The following MAPK4 variants were observed in gnomAD, a reference collection of about 807,000 sequenced individuals.
The protein encoded by MAPK4 is mitogen-activated protein kinase 4.
In MAPK4, 22 loss-of-function variants were observed where a neutral mutation model predicts 47.7. That is an observed-to-expected ratio of 0.46 (90% CI 0.33 to 0.66). The LOEUF (loss-of-function observed/expected upper bound fraction) is 0.66, where lower values mean the gene tolerates loss of function less well. MAPK4 is among the 30% of genes least tolerant of loss of function. The pLI, the probability that MAPK4 is intolerant of heterozygous loss-of-function variation, is 0.02. For synonymous variants in MAPK4, 390 were observed against 365.7 expected, an observed-to-expected ratio of 1.07 and a Z score of -0.76; for missense variants, 736 against 831.7, an observed-to-expected ratio of 0.88 and a Z score of 1.42.
chr18:50,570,343 G>A (rs564126580), intron 1 of MAPK4, among the ~76,000 whole-genome samples: 4 of 152,344 alleles, frequency 2.6e-5, no homozygotes, highest in African/African-American at 7.2e-5. Context: ...TGATGTGGCT[G>A]AGAAGGCAGT....
In MAPK4 at chr18:50,729,680, C is replaced by A; in HGVS notation, c.1590C>A (p.Asp530Glu). ...ASPPGRPAPV[D>E]GGASPQFDLD... The stretch of plus-strand genomic sequence containing the variant: ...CCCCCGGCCGCCCGGCCCCGGTGGA[C>A]GGCGGCGCCAGCCCCCAGTTCGACC... Residue 530 changes from aspartate to glutamate, a missense_variant, in exon 6 of 6, where the codon GAC (aspartate) becomes GAA (glutamate). This residue lies in a region of MAPK4 where 377 missense variants were observed against 378.6 expected (regional missense o/e 1.00). Transcript: ENST00000400384. 6.5e-7 allele frequency: 1 copy of A among 1,530,540 alleles called. No homozygotes were observed. The highest frequency in any genetic ancestry group is 8.8e-7 in the Non-Finnish European group (1 of 1,133,098). The allele number at this position is 1,530,540 out of a possible 1,614,324, so 94.8% of individuals were successfully genotyped here.
chr18:50,710,011 C>G (rs1464353897), intron 2 of MAPK4, among the ~76,000 whole-genome samples: 1 of 152,168 alleles, frequency 6.6e-6, no homozygotes, highest in African/African-American at 2.4e-5. Context: ...GCAGAAACTT[C>G]TGGTTGGGAA....
chr18:50,605,407 G>C (rs1327616949), intron 1 of MAPK4, among the ~76,000 whole-genome samples: 1 of 152,158 alleles, frequency 6.6e-6, no homozygotes, highest in African/African-American at 2.4e-5. Context: ...ATTTGGAAGG[G>C]ATCTTGAGGA....
intron 1 of MAPK4, among the ~76,000 whole-genome samples, chr18:50,605,627 G>T (rs1239596313): frequency 6.6e-6 from 1 of 152,180 alleles, no homozygotes; most frequent in Non-Finnish European, 1.5e-5. Context: ...TCAGGCCTGA[G>T]GTGGTTTTCA....
intron 2 of MAPK4, among the ~76,000 whole-genome samples, chr18:50,711,876 G>C (rs1226375399): frequency 1.4e-5 from 2 of 141,316 alleles, no homozygotes; most frequent in Non-Finnish European, 3.0e-5. Flanking sequence ...CCATCCACTC[G>C]ACTGCAACTC....
chr18:50,591,723 G>A (rs559412714), intron 1 of MAPK4, among the ~76,000 whole-genome samples: 2 of 152,024 alleles, frequency 1.3e-5, no homozygotes, highest in South Asian at 4.2e-4. Context: ...GAGGAGGAAA[G>A]AGGCTCAGGA....
intron 2 of MAPK4, among the ~76,000 whole-genome samples, chr18:50,704,046 T>C (rs943817858): frequency 1.2e-4 from 18 of 152,142 alleles, no homozygotes; most frequent in African/African-American, 3.9e-4. Context: ...TCCCCACACC[T>C]GCCCTTTCCA....
intron 1 of MAPK4, among the ~76,000 whole-genome samples, chr18:50,632,519 C>G (rs4939994): frequency 0.16 from 24,417 of 151,722 alleles, 2,012 homozygotes; most frequent in Non-Finnish European, 0.18. Context: ...CTTTCATGTT[C>G]TGTCATGTTC....
At chr18:50,627,232 C>T (rs912574131) in intron 1 of MAPK4, among the ~76,000 whole-genome samples, 4 of 152,092 alleles carry the variant, frequency 2.6e-5, no homozygotes, top group African/African-American at 4.8e-5. Flanking sequence ...CCTTGCACAT[C>T]GAGCCTCATG....
At chr18:50,633,614 G>A (rs887655285) in intron 1 of MAPK4, among the ~76,000 whole-genome samples, 8 of 152,284 alleles carry the variant, frequency 5.3e-5, no homozygotes, top group African/African-American at 9.6e-5. Flanking sequence ...GCTGCTGCCA[G>A]ATTAATCTCC....
chr18:50,634,159 C>A (rs2042858006), intron 1 of MAPK4, among the ~76,000 whole-genome samples: 1 of 152,148 alleles, frequency 6.6e-6, no homozygotes, highest in South Asian at 2.1e-4. Flanking sequence ...CCCTTCCTAT[C>A]AGGACTGGAG....
intron 1 of MAPK4, among the ~76,000 whole-genome samples, chr18:50,569,279 G>A (rs919526019): frequency 3.3e-5 from 5 of 152,120 alleles, no homozygotes; most frequent in East Asian, 1.9e-4. Context: ...CTAGTTGACA[G>A]CATTTTTTCT....
At chr18:50,701,758 A>G (rs1909797451) in intron 2 of MAPK4, among the ~76,000 whole-genome samples, 1 of 152,130 alleles carries the variant, frequency 6.6e-6, no homozygotes, top group Non-Finnish European at 1.5e-5. Flanking sequence ...AAAATTAGAA[A>G]CGCCCCCCAA....
chr18:50,623,501 G>A (rs1436525777), intron 1 of MAPK4, among the ~76,000 whole-genome samples: 1 of 152,174 alleles, frequency 6.6e-6, no homozygotes, highest in African/African-American at 2.4e-5. Flanking sequence ...TCTGTCAGCA[G>A]ATCCCATTAG....
chr18:50,567,928 G>A (rs12967875), intron 1 of MAPK4, among the ~76,000 whole-genome samples: 62,565 of 151,892 alleles, frequency 0.41, 13,893 homozygotes, highest in Non-Finnish European at 0.49. Flanking sequence ...TGGGCGCAGT[G>A]GCTCACGCCT....
At chr18:50,683,274 C>G (rs1381506087) in intron 2 of MAPK4, among the ~76,000 whole-genome samples, 1 of 152,076 alleles carries the variant, frequency 6.6e-6, no homozygotes, top group Non-Finnish European at 1.5e-5. Context: ...CAAGCACCAC[C>G]ATGCCCAGCT....
chr18:50,675,870 G>A (rs565643148), intron 2 of MAPK4, among the ~76,000 whole-genome samples: 3 of 152,000 alleles, frequency 2.0e-5, no homozygotes, highest in Non-Finnish European at 2.9e-5. Context: ...CAGGTGATCC[G>A]CCTGCCTCAG....
chr18:50,585,435 T>C (rs2042379890), intron 1 of MAPK4, among the ~76,000 whole-genome samples: 1 of 152,200 alleles, frequency 6.6e-6, no homozygotes, highest in South Asian at 2.1e-4. Context: ...CTTTCCCTCT[T>C]CCCTGTCCTC....
intron 2 of MAPK4, chr18:50,669,531 C>T (rs1444284147): frequency 6.6e-6 from 1 of 152,192 alleles, no homozygotes; most frequent in Non-Finnish European, 1.5e-5. Context: ...TTATTTTACC[C>T]TGGGCTCACT....
Sources: gnomAD v4.1 joint callset for allele counts (sites outside exome capture counted in the v4.1 genomes callset) on GRCh38, gnomAD v4.1.1 for gene constraint, gnomAD v4.1.1 regional missense constraint, MANE v1.5 for transcripts, NCBI Gene and HGNC (gene_info 2026-07-23, HGNC 2026-07-21) for gene names.